ZFHX3: variants seen among roughly 807,000 people sequenced by gnomAD.
ZFHX3 encodes zinc finger homeobox protein 3.
Under a neutral mutation model 279.1 loss-of-function variants are expected in ZFHX3, and 42 were observed. The ratio of observed to expected loss-of-function variants is 0.15; its 90% confidence interval spans 0.12 to 0.19. The LOEUF is 0.19. Ranked by LOEUF, ZFHX3 falls within the 10% of genes least tolerant of loss-of-function variation. ZFHX3 has a pLI of 1.00. For missense variants in ZFHX3, 4,981 were observed against 4,754.0 expected, an observed-to-expected ratio of 1.05 and a Z score of -1.40; for synonymous variants, 2,293 against 1,957.8, an observed-to-expected ratio of 1.17 and a Z score of -4.52.
At chr16:73,204,871 G>C (rs768492813) in intron 5 of ZFHX3, among the ~76,000 whole-genome samples, 1 of 152,168 alleles carries the variant, frequency 6.6e-6, no homozygotes, top group Non-Finnish European at 1.5e-5. Flanking sequence ...AAGGAGTTAG[G>C]CAACTTGCCC....
intron 1 of ZFHX3, among the ~76,000 whole-genome samples, chr16:73,001,816 T>C (rs1963508755): frequency 6.6e-6 from 1 of 150,466 alleles, no homozygotes; most frequent in South Asian, 2.1e-4. Flanking sequence ...AGTGAGACCC[T>C]TCAAAAAAAA....
chr16:73,448,468 A>T (rs1354405962), intron 3 of ZFHX3, among the ~76,000 whole-genome samples: 1 of 152,230 alleles, frequency 6.6e-6, no homozygotes, highest in African/African-American at 2.4e-5. Context: ...AAATTAGCAC[A>T]GATAGTATGA....
chr16:72,957,967 G>A lies in ZFHX3; in HGVS notation c.2179C>T (p.Arg727Cys), dbSNP rs201721439. 2.1e-5 allele frequency: 34 copies of A among 1,614,128 alleles called. No individual in the cohort carries two copies. Among genetic ancestry groups the A allele is most frequent in the Non-Finnish European group, 2.6e-5 (31 of 1,180,040 alleles). Residue 727 changes from arginine (R) to cysteine (C), a missense_variant, in exon 2 of 10, where the codon CGC becomes TGC. Physicochemically the swap from Arg to Cys is radical, Grantham distance 180 (BLOSUM62 -3). Around this residue, in one of 7 missense-constraint regions of ZFHX3, gnomAD observed 39 missense variants for 68.2 expected, o/e 0.57. Coordinates refer to ENST00000268489, the MANE Select transcript of ZFHX3 (RefSeq NM_006885.4). The part of the protein sequence containing the change: ...ESYTCGYKPF[R>C]CEVCNYSTTT... ...GTGGAGTAGTTACACACCTCGCAGC[G>A]GAAAGGCTTGTAACCACACGTGTAG... is the stretch of plus-strand genomic sequence containing the variant.
At chr16:73,421,557 T>G (rs2017719300) in intron 3 of ZFHX3, among the ~76,000 whole-genome samples, 1 of 152,162 alleles carries the variant, frequency 6.6e-6, no homozygotes, top group Admixed American at 6.5e-5. Context: ...CATACCATAG[T>G]GATAAATGTA....
At chr16:73,481,341 A>G (rs976028964) in intron 2 of ZFHX3, among the ~76,000 whole-genome samples, 7 of 151,784 alleles carry the variant, frequency 4.6e-5, no homozygotes, top group Non-Finnish European at 8.8e-5. Context: ...AAAAAAAAAA[A>G]GAACAAAGTC....
At chr16:73,458,459 T>A (rs1317566642) in intron 2 of ZFHX3, among the ~76,000 whole-genome samples, 1 of 148,998 alleles carries the variant, frequency 6.7e-6, no homozygotes, top group African/African-American at 2.5e-5. Context: ...CACTGCAACC[T>A]CCGCCTCCCG....
chr16:73,662,338 G>A (rs905364028), intron 2 of ZFHX3, among the ~76,000 whole-genome samples: 2 of 151,858 alleles, frequency 1.3e-5, no homozygotes, highest in East Asian at 1.9e-4. Context: ...TCTCTCTCAC[G>A]CAGAAATATT....
At chr16:73,791,077 T>C (rs146155185) in intron 1 of ZFHX3, among the ~76,000 whole-genome samples, 23 of 151,960 alleles carry the variant, frequency 1.5e-4, no homozygotes, top group African/African-American at 5.3e-4. Flanking sequence ...TGATCCTCCC[T>C]CCTCAGCCTC....
intron 5 of ZFHX3, among the ~76,000 whole-genome samples, chr16:73,196,795 C>T (rs1482007516): frequency 6.6e-6 from 1 of 152,146 alleles, no homozygotes; most frequent in Admixed American, 6.5e-5. Flanking sequence ...TGAGAGGACT[C>T]TACCTCACTA....
chr16:73,334,526 T>C (rs2015869532), intron 3 of ZFHX3, among the ~76,000 whole-genome samples: 1 of 152,104 alleles, frequency 6.6e-6, no homozygotes, highest in Non-Finnish European at 1.5e-5. Flanking sequence ...TCCCCTGCTG[T>C]CAACTTCCTG....
chr16:73,651,982 T>C (rs2052676598), intron 2 of ZFHX3, among the ~76,000 whole-genome samples: 2 of 152,136 alleles, frequency 1.3e-5, no homozygotes, highest in African/African-American at 4.8e-5. Context: ...TAGAATTCCA[T>C]ATCCAGAGAA....
intron 2 of ZFHX3, among the ~76,000 whole-genome samples, chr16:73,575,489 G>C (rs971101192): frequency 6.6e-6 from 1 of 152,222 alleles, no homozygotes; most frequent in Non-Finnish European, 1.5e-5. Flanking sequence ...GATGAAATTA[G>C]ATTAAAGTTT....
intron 2 of ZFHX3, among the ~76,000 whole-genome samples, chr16:73,624,066 T>C (rs1256769115): frequency 6.6e-6 from 1 of 152,208 alleles, no homozygotes; most frequent in Non-Finnish European, 1.5e-5. Flanking sequence ...AGTATAAAAA[T>C]TTCATTTTGT....
chr16:72,863,148 T>G (rs999881567), intron 4 of ZFHX3, among the ~76,000 whole-genome samples: 1 of 151,812 alleles, frequency 6.6e-6, no homozygotes, highest in Non-Finnish European at 1.5e-5. Context: ...AACTCAATAT[T>G]TGATGATTCC....
chr16:73,363,760 T>C (rs1369461319), intron 3 of ZFHX3, among the ~76,000 whole-genome samples: 1 of 152,174 alleles, frequency 6.6e-6, no homozygotes, highest in Non-Finnish European at 1.5e-5. Flanking sequence ...TTTCGCACTA[T>C]GCTCACCCCC....
chr16:73,481,138 G>T (rs934653065), intron 2 of ZFHX3, among the ~76,000 whole-genome samples: 1 of 151,996 alleles, frequency 6.6e-6, no homozygotes. Flanking sequence ...AGACCAGCCC[G>T]GCCAACATGG....
At chr16:73,731,473 T>C (rs1382067764) in intron 1 of ZFHX3, among the ~76,000 whole-genome samples, 1 of 152,094 alleles carries the variant, frequency 6.6e-6, no homozygotes, top group Non-Finnish European at 1.5e-5. Context: ...GGTGTTTTTT[T>C]TTTTGTTAGA....
At chr16:73,766,114 C>T (rs1025303817) in intron 1 of ZFHX3, among the ~76,000 whole-genome samples, 2 of 152,136 alleles carry the variant, frequency 1.3e-5, no homozygotes, top group African/African-American at 4.8e-5. Context: ...CCCCTTGCCC[C>T]CAGTAAAATC....
chr16:73,411,200 AT>A (rs1288582166), intron 3 of ZFHX3, among the ~76,000 whole-genome samples: 1 of 152,176 alleles, frequency 6.6e-6, no homozygotes, highest in Non-Finnish European at 1.5e-5. Context: ...GCTGATGTGA[AT>A]TTCCGACTTT....
Sources: gnomAD v4.1 joint callset for allele counts (sites outside exome capture counted in the v4.1 genomes callset) on GRCh38, gnomAD v4.1.1 for gene constraint, gnomAD v4.1.1 regional missense constraint, MANE v1.5 for transcripts, NCBI Gene and HGNC (gene_info 2026-07-23, HGNC 2026-07-21) for gene names.